Variants in SPIN1 observed in about 807,000 individuals in gnomAD.
SPIN1 encodes spindlin 1.
A neutral mutation model predicts 26.0 loss-of-function variants in SPIN1; 3 were observed. The ratio of observed to expected loss-of-function variants is 0.12; its 90% CI spans 0.05 to 0.30. SPIN1 has a LOEUF of 0.30. Among genes scored for constraint, SPIN1 ranks in the 10% least tolerant of loss-of-function variants. The pLI, the probability that SPIN1 is intolerant of heterozygous loss-of-function variation, is 1.00. For synonymous variants in SPIN1, 101 were observed against 116.5 expected (o/e 0.87, Z 0.86); for missense variants, 126 against 333.4 (o/e 0.38, Z 4.84).
intron 1 of SPIN1, among the ~76,000 whole-genome samples, chr9:88,420,796 G>A (rs1587787341): frequency 6.6e-6 from 1 of 152,176 alleles, no homozygotes; most frequent in South Asian, 2.1e-4. Flanking sequence ...ATTATCAGAG[G>A]ACTAAAGCTG....
intron 1 of SPIN1, among the ~76,000 whole-genome samples, chr9:88,419,976 C>A (rs1445327971): frequency 6.6e-6 from 1 of 152,206 alleles, no homozygotes; most frequent in Non-Finnish European, 1.5e-5. Flanking sequence ...CTCTATTGTC[C>A]TGTTTTTTCA....
chr9:88,430,991 T>C (rs1827857319), intron 2 of SPIN1, among the ~76,000 whole-genome samples: 1 of 152,052 alleles, frequency 6.6e-6, no homozygotes, highest in South Asian at 2.1e-4. Flanking sequence ...CAAGTGATTC[T>C]GCTGCCTCAG....
intron 1 of SPIN1, among the ~76,000 whole-genome samples, chr9:88,423,655 A>T (rs1280956950): frequency 1.3e-5 from 2 of 150,652 alleles, no homozygotes. Context: ...GCCTCAGGTG[A>T]TCTGCCCACC....
chr9:88,427,687 C>G (rs1353048447), intron 2 of SPIN1, among the ~76,000 whole-genome samples: 1 of 151,882 alleles, frequency 6.6e-6, no homozygotes, highest in Non-Finnish European at 1.5e-5. Flanking sequence ...GCCTCTGCCT[C>G]CTGGGTTCAA....
Position 88,471,435 on chromosome 9 carries a change from C to T in SPIN1, c.589+2830C>T, listed in dbSNP as rs141390157. Among the ~76,000 whole-genome samples, 1,105 of 151,930 alleles carry T rather than the reference C, an allele frequency of 7.3e-3. 12 individuals carry two copies. Among genetic ancestry groups the T allele is most frequent in the African/African-American group, 0.025 (1,033 of 41,430 alleles). On this transcript the variant is annotated intron_variant, in intron 5 of 5. Coordinates refer to ENST00000375859, the MANE Select transcript of SPIN1 (RefSeq NM_006717.3). ...ATCCCAGTACTTTGGGAGGCCAAGGCGGGTGGATCACGAGGTCAGGAGTTC... is the reference window on the plus strand; with the variant it reads ...ATCCCAGTACTTTGGGAGGCCAAGGTGGGTGGATCACGAGGTCAGGAGTTC...
At chr9:88,449,391 T>C (rs1240175711) in intron 3 of SPIN1, among the ~76,000 whole-genome samples, 2 of 152,140 alleles carry the variant, frequency 1.3e-5, no homozygotes, top group Non-Finnish European at 2.9e-5. Context: ...TGTCTTAAGC[T>C]GGGAGGGCCT....
At position 88,411,466 on chromosome 9, in the gene SPIN1, T is replaced by C. The variant is rs1324569481; in HGVS notation, c.-158-14916T>C. 1.0e-5 allele frequency: 12 copies of C among 1,178,298 alleles called. No individual in the cohort carries two copies. The South Asian group carries it at 1.6e-4, about 16-fold the overall frequency. The allele number at this position is 1,178,298 out of a possible 1,614,324, so 73.0% of individuals were successfully genotyped here. ...TAGGAGACTTGTGACTTAGACATGA[T>C]GGCATGGAGAAGAGAGACTTTAATG... On this transcript the variant is annotated intron_variant, in intron 1 of 5. Coordinates refer to ENST00000375859, the MANE Select transcript of SPIN1 (RefSeq NM_006717.3).
intron 1 of SPIN1, among the ~76,000 whole-genome samples, chr9:88,419,504 C>G (rs768561580): frequency 5.3e-5 from 8 of 151,908 alleles, no homozygotes; most frequent in Non-Finnish European, 4.4e-5. Context: ...AATTGCCTTG[C>G]TGAGAAGAAA....
chr9:88,405,978 G>T (rs193231699), intron 1 of SPIN1, among the ~76,000 whole-genome samples: 58 of 151,194 alleles, frequency 3.8e-4, no homozygotes, highest in African/African-American at 1.3e-3. Flanking sequence ...GACTACAGGC[G>T]CATGCCACCG....
chr9:88,440,402 G>C (rs371428822), intron 2 of SPIN1, among the ~76,000 whole-genome samples: 5 of 152,056 alleles, frequency 3.3e-5, no homozygotes, highest in African/African-American at 1.2e-4. Flanking sequence ...CAAGCGATCC[G>C]TCCACCTTAG....
chr9:88,390,358 C>T lies in SPIN1; in HGVS notation c.-159+1820C>T, dbSNP rs115882165. 7.4e-3 allele frequency among the ~76,000 whole-genome samples: 1,133 copies of T among 152,270 alleles called. 16 individuals carry two copies. The highest frequency in any genetic ancestry group is 0.026 in the African/African-American group (1,060 of 41,562). On this transcript the variant is annotated intron_variant, in intron 1 of 5. Coordinates refer to ENST00000375859, the MANE Select transcript of SPIN1 (RefSeq NM_006717.3). ...GCCTGATGTGTGCCCCTCTGCATTTCGTGGGTAGTGTCTCAAATTTGGCTA... is the reference window on the plus strand; with the variant it reads ...GCCTGATGTGTGCCCCTCTGCATTTTGTGGGTAGTGTCTCAAATTTGGCTA...
chr9:88,466,931 T>C (rs1828681187), intron 4 of SPIN1, among the ~76,000 whole-genome samples: 1 of 151,494 alleles, frequency 6.6e-6, no homozygotes. Flanking sequence ...GAGACGGGGT[T>C]TTGTCATGTT....
At chr9:88,456,335 AT>A (rs2118164779) in intron 3 of SPIN1, among the ~76,000 whole-genome samples, 1 of 152,296 alleles carries the variant, frequency 6.6e-6, no homozygotes, top group East Asian at 1.9e-4. Flanking sequence ...ACACTAAGAA[AT>A]TTCTAGATCT....
intron 2 of SPIN1, among the ~76,000 whole-genome samples, chr9:88,432,922 C>T (rs1564031101): frequency 1.3e-5 from 2 of 152,122 alleles, no homozygotes; most frequent in African/African-American, 2.4e-5. Flanking sequence ...TTTTCTTTTA[C>T]ACAGGCTGGT....
chr9:88,434,444 T>C (rs1827958069), intron 2 of SPIN1, among the ~76,000 whole-genome samples: 1 of 136,356 alleles, frequency 7.3e-6, no homozygotes, highest in South Asian at 2.2e-4. Flanking sequence ...AATTACGGTT[T>C]TCTTCAACAA....
At chr9:88,416,424 CATGGGAT>C (rs1564026922) in intron 1 of SPIN1, among the ~76,000 whole-genome samples, 1 of 152,024 alleles carries the variant, frequency 6.6e-6, no homozygotes, top group Non-Finnish European at 1.5e-5. Flanking sequence ...TTCTTGGGCT[CATGGGAT>C]CCTCCCACCT....
intron 2 of SPIN1, among the ~76,000 whole-genome samples, chr9:88,442,625 T>A (rs1170322676): frequency 1.3e-5 from 2 of 151,984 alleles, no homozygotes. Context: ...CCTCAAGTGA[T>A]CCACCCACCT....
intron 1 of SPIN1, among the ~76,000 whole-genome samples, chr9:88,421,389 ACCT>A (rs1205973802): frequency 1.3e-5 from 2 of 151,872 alleles, no homozygotes; most frequent in Non-Finnish European, 2.9e-5. Flanking sequence ...TGCAGCCTTA[ACCT>A]CCTGGTCTCA....
intron 4 of SPIN1, among the ~76,000 whole-genome samples, chr9:88,463,342 A>G (rs1828607213): frequency 6.6e-6 from 1 of 152,208 alleles, no homozygotes; most frequent in South Asian, 2.1e-4. Flanking sequence ...TACTGATTTT[A>G]TTAGTAGGGT....
Sources: gnomAD v4.1 joint callset for allele counts (sites outside exome capture counted in the v4.1 genomes callset) on GRCh38, gnomAD v4.1.1 for gene constraint, MANE v1.5 for transcripts, NCBI Gene and HGNC (gene_info 2026-07-23, HGNC 2026-07-21) for gene names.